NRP1: variants seen among roughly 807,000 people sequenced by gnomAD.
The protein encoded by NRP1 is neuropilin-1.
NRP1 carries 35 observed loss-of-function variants against 106.7 expected under a neutral mutation model. That is an observed-to-expected ratio of 0.33 (90% CI 0.25 to 0.43). The LOEUF (loss-of-function observed/expected upper bound fraction) is 0.43. Among genes scored for constraint, NRP1 ranks in the 20% least tolerant of loss-of-function variants. NRP1 has a pLI of 1.00. For missense variants in NRP1, 1,024 were observed against 1,170.4 expected, an observed-to-expected ratio of 0.87 and a Z score of 1.83; for synonymous variants, 437 against 417.9, an observed-to-expected ratio of 1.05 and a Z score of -0.56.
intron 1 of NRP1, among the ~76,000 whole-genome samples, chr10:33,333,135 T>C (rs1194391752): frequency 6.6e-6 from 1 of 152,190 alleles, no homozygotes; most frequent in Admixed American, 6.5e-5. Flanking sequence ...ATAAATTGAA[T>C]TCTACATTCA....
intron 2 of NRP1, among the ~76,000 whole-genome samples, chr10:33,297,471 A>C (rs10827231): frequency 0.4 from 61,061 of 152,018 alleles, 14,114 homozygotes; most frequent in East Asian, 0.57. Flanking sequence ...GGATCACCTG[A>C]AGTCAGGAGT....
At chr10:33,195,578 T>C in intron 12 of NRP1, 1 of 533,406 alleles carries the variant, frequency 1.9e-6, no homozygotes, top group South Asian at 1.4e-5. Flanking sequence ...ATCTGGAGCC[T>C]GCAGAACAGT....
chr10:33,305,523 G>GA (rs1846087620), intron 2 of NRP1, among the ~76,000 whole-genome samples: 1 of 152,070 alleles, frequency 6.6e-6, no homozygotes, highest in African/African-American at 2.4e-5. Flanking sequence ...TCAGTGAGGG[G>GA]ATCGTTGTCT....
chr10:33,196,030 T>C (rs1266743615), intron 12 of NRP1, among the ~76,000 whole-genome samples: 1 of 152,096 alleles, frequency 6.6e-6, no homozygotes, highest in Non-Finnish European at 1.5e-5. Context: ...TTGAGTGACC[T>C]TGAGATTGTG....
intron 6 of NRP1, among the ~76,000 whole-genome samples, chr10:33,232,557 T>C (rs1201602616): frequency 1.3e-5 from 2 of 152,050 alleles, no homozygotes; most frequent in South Asian, 2.1e-4. Flanking sequence ...ACATCTGGTA[T>C]TTATCGATGG....
At chr10:33,319,608 A>G (rs1441163198) in intron 2 of NRP1, among the ~76,000 whole-genome samples, 1 of 118,198 alleles carries the variant, frequency 8.5e-6, no homozygotes. Context: ...TTTTTTTGAG[A>G]CAGTGTCTCC....
intron 8 of NRP1, among the ~76,000 whole-genome samples, chr10:33,217,450 T>C (rs1402247287): frequency 6.6e-6 from 1 of 152,136 alleles, no homozygotes; most frequent in African/African-American, 2.4e-5. Flanking sequence ...TTAACAATAA[T>C]TTGCAGAAAA....
At chr10:33,195,107 T>A (rs771002763) in intron 12 of NRP1, among the ~76,000 whole-genome samples, 5 of 152,224 alleles carry the variant, frequency 3.3e-5, no homozygotes, top group African/African-American at 4.8e-5. Context: ...CCAACCCATC[T>A]TGCCTGAAGT....
At chr10:33,267,544 CAT>C (rs1843004464) in intron 3 of NRP1, among the ~76,000 whole-genome samples, 1 of 152,190 alleles carries the variant, frequency 6.6e-6, no homozygotes, top group South Asian at 2.1e-4. Flanking sequence ...AATCACATAA[CAT>C]ATATCAAGTG....
At chr10:33,220,809 G>A (rs1293623399) in intron 8 of NRP1, among the ~76,000 whole-genome samples, 3 of 146,792 alleles carry the variant, frequency 2.0e-5, no homozygotes, top group Non-Finnish European at 4.5e-5. Context: ...GCTGAAGCAG[G>A]AGAATCGCTG....
chr10:33,219,074 T>G (rs948129403), intron 8 of NRP1, among the ~76,000 whole-genome samples: 4 of 152,206 alleles, frequency 2.6e-5, no homozygotes, highest in African/African-American at 9.7e-5. Context: ...GAAGAAAAAC[T>G]TGAAATTACT....
chr10:33,304,558 A>G (rs941295431), intron 2 of NRP1, among the ~76,000 whole-genome samples: 8 of 152,166 alleles, frequency 5.3e-5, no homozygotes, highest in Admixed American at 4.6e-4. Context: ...CCAGTGTATG[A>G]TGATGGTCCC....
chr10:33,252,931 G>A (rs1218258793), intron 6 of NRP1, among the ~76,000 whole-genome samples: 2 of 151,362 alleles, frequency 1.3e-5, no homozygotes, highest in Admixed American at 1.3e-4. Flanking sequence ...AACAAAATCT[G>A]CTATTTGTGC....
chr10:33,334,494 T>C lies in NRP1; in HGVS notation c.-112A>G, dbSNP rs978318239. 2.3e-6 allele frequency: 2 copies of C among 879,346 alleles called. No individual in the cohort carries two copies. The highest frequency in any genetic ancestry group is 3.0e-5 in the South Asian group (2 of 66,108). 54.5% of individuals were successfully genotyped at this position (879,346 alleles called of 1,614,324 possible). Reference sequence around the variant, plus strand: ...AGAGCCCCAACTCCGCCTAGAGCTGTACAATCCTCAGCCCGTCTTGGAGAA... The same window carrying C: ...AGAGCCCCAACTCCGCCTAGAGCTGCACAATCCTCAGCCCGTCTTGGAGAA... On this transcript the variant is annotated 5_prime_UTR_variant, in exon 1 of 17. Coordinates refer to ENST00000374867, the MANE Select transcript of NRP1 (RefSeq NM_003873.7).
rs975999356 is a variant in NRP1, at chr10:33,207,866, G to C, written c.1615-150C>G. Reference sequence around the variant, plus strand: ...TGTGGTACATCTCTTTCATAAACGAGAAAGGAAAAAAACAATTAAAGCTTC... The same window carrying C: ...TGTGGTACATCTCTTTCATAAACGACAAAGGAAAAAAACAATTAAAGCTTC... On this transcript the variant is annotated intron_variant, in intron 9 of 16. Coordinates refer to ENST00000374867, the MANE Select transcript of NRP1 (RefSeq NM_003873.7). The C allele has an allele frequency of 5.8e-6, 4 of 684,734 alleles. No individual in the cohort carries two copies. In the African/African-American group the frequency reaches 7.3e-5, roughly 12 times the overall value. The allele number at this position is 684,734 out of a possible 1,614,324, so 42.4% of individuals were successfully genotyped here.
At chr10:33,260,868 T>C (rs2133223687) in intron 4 of NRP1, among the ~76,000 whole-genome samples, 1 of 152,138 alleles carries the variant, frequency 6.6e-6, no homozygotes, top group African/African-American at 2.4e-5. Context: ...TTAAAAGCCT[T>C]CCACGCCTTC....
chr10:33,232,160 A>G (rs762677703), intron 6 of NRP1, among the ~76,000 whole-genome samples: 3 of 152,118 alleles, frequency 2.0e-5, no homozygotes, highest in Non-Finnish European at 4.4e-5. Context: ...AGCAGCTGAA[A>G]AGACAAAGAC....
At chr10:33,236,950 C>T (rs535900493) in intron 6 of NRP1, among the ~76,000 whole-genome samples, 20 of 152,226 alleles carry the variant, frequency 1.3e-4, no homozygotes, top group South Asian at 8.3e-4. Context: ...GAAGCTGAGA[C>T]GTAGCGCAAT....
chr10:33,199,059 A>C (rs1238184147), intron 11 of NRP1, among the ~76,000 whole-genome samples: 1 of 151,964 alleles, frequency 6.6e-6, no homozygotes, highest in Non-Finnish European at 1.5e-5. Context: ...ACTGTTCATC[A>C]TTATACTTCT....
Sources: allele counts gnomAD v4.1 joint callset (sites outside exome capture counted in the v4.1 genomes callset), GRCh38; gene constraint gnomAD v4.1.1; transcripts MANE v1.5; gene names NCBI Gene and HGNC (gene_info 2026-07-23, HGNC 2026-07-21).